The following ATP8A2 variants were observed in gnomAD, a reference collection of about 807,000 sequenced individuals.
ATP8A2 encodes the protein phospholipid-transporting ATPase IB.
A neutral mutation model predicts 165.6 loss-of-function variants in ATP8A2; 100 were observed. That is an observed-to-expected ratio of 0.60 (90% CI 0.51 to 0.71). ATP8A2 has a LOEUF of 0.71. ATP8A2 is among the 30% of genes least tolerant of loss of function. ATP8A2 has a pLI of 0.00. For synonymous variants in ATP8A2, 543 were observed against 548.8 expected, an observed-to-expected ratio of 0.99 and a Z score of 0.15; for missense variants, 1,227 against 1,479.5, an observed-to-expected ratio of 0.83 and a Z score of 2.80.
At chr13:25,888,012 A>G (rs1593507530) in intron 33 of ATP8A2, among the ~76,000 whole-genome samples, 1 of 151,342 alleles carries the variant, frequency 6.6e-6, no homozygotes, top group African/African-American at 2.4e-5. Context: ...AGGTCGTGGA[A>G]GTTGATGGCA....
At chr13:25,780,590 C>T (rs1279276409) in intron 27 of ATP8A2, among the ~76,000 whole-genome samples, 2 of 152,130 alleles carry the variant, frequency 1.3e-5, no homozygotes, top group Non-Finnish European at 2.9e-5. Context: ...AACAAGCAAA[C>T]AAACCTTTAT....
intron 33 of ATP8A2, among the ~76,000 whole-genome samples, chr13:25,869,713 G>T (rs1002466048): frequency 6.6e-6 from 1 of 152,232 alleles, no homozygotes; most frequent in Non-Finnish European, 1.5e-5. Context: ...CAGGGCGTGT[G>T]AGAGGGGAGT....
At chr13:25,731,399 AAGAG>A (rs2043639794) in intron 25 of ATP8A2, among the ~76,000 whole-genome samples, 1 of 151,516 alleles carries the variant, frequency 6.6e-6, no homozygotes, top group Admixed American at 6.6e-5. Context: ...AAAAGGAAGA[AAGAG>A]AAAGAAAGAG....
chr13:25,442,057 G>A (rs1356753983), intron 1 of ATP8A2, among the ~76,000 whole-genome samples: 2 of 152,194 alleles, frequency 1.3e-5, no homozygotes, highest in African/African-American at 4.8e-5. Flanking sequence ...GTGGAAGCAC[G>A]TGTCAGAATT....
intron 27 of ATP8A2, among the ~76,000 whole-genome samples, chr13:25,824,082 T>C (rs1206766636): frequency 1.3e-5 from 2 of 152,170 alleles, no homozygotes; most frequent in Non-Finnish European, 2.9e-5. Flanking sequence ...GTGATTCTCC[T>C]GCCTCAGCCT....
intron 25 of ATP8A2, among the ~76,000 whole-genome samples, chr13:25,746,641 G>T (rs1240530521): frequency 6.6e-6 from 1 of 152,182 alleles, no homozygotes; most frequent in African/African-American, 2.4e-5. Flanking sequence ...ATCCCACACT[G>T]AAAGGAAACT....
At chr13:25,624,638 C>A (rs1460760893) in intron 24 of ATP8A2, among the ~76,000 whole-genome samples, 1 of 152,072 alleles carries the variant, frequency 6.6e-6, no homozygotes, top group Non-Finnish European at 1.5e-5. Context: ...GTTCTAAAGG[C>A]AATTGAGGTA....
intron 33 of ATP8A2, among the ~76,000 whole-genome samples, chr13:25,932,412 C>T (rs1954791695): frequency 6.6e-6 from 1 of 152,204 alleles, no homozygotes; most frequent in African/African-American, 2.4e-5. Flanking sequence ...GCCCCCTCCC[C>T]ACAAAGGAAA....
chr13:25,803,612 G>A (rs1179354447), intron 27 of ATP8A2, among the ~76,000 whole-genome samples: 1 of 152,120 alleles, frequency 6.6e-6, no homozygotes, highest in African/African-American at 2.4e-5. Context: ...ATCAGCCTCG[G>A]GACCAAAATG....
rs575704454 is a variant in ATP8A2, at chr13:25,445,921, A to C, written c.77-23056A>C. 2.6e-4 allele frequency among the ~76,000 whole-genome samples: 40 copies of C among 152,234 alleles called. 3 individuals carry two copies. The South Asian group carries it at 5.6e-3, about 21-fold the overall frequency. On this transcript the variant is annotated intron_variant, in intron 1 of 36. Coordinates refer to ENST00000381655, the MANE Select transcript of ATP8A2 (RefSeq NM_016529.6). ...GGCTGACCTCCTTCCCAGCGCTACT[A>C]CTTACTGGGAACCTGGACCGGTTGG...
chr13:25,742,240 G>A (rs907623603), intron 25 of ATP8A2, among the ~76,000 whole-genome samples: 1 of 152,002 alleles, frequency 6.6e-6, no homozygotes, highest in Non-Finnish European at 1.5e-5. Flanking sequence ...CATAGAAAAG[G>A]CACAGTAAAA....
At chr13:25,738,850 T>C (rs896859620) in intron 25 of ATP8A2, among the ~76,000 whole-genome samples, 3 of 152,254 alleles carry the variant, frequency 2.0e-5, no homozygotes, top group African/African-American at 7.2e-5. Flanking sequence ...ACAGGATATA[T>C]TGATTTATTT....
intron 1 of ATP8A2, among the ~76,000 whole-genome samples, chr13:25,417,686 G>A (rs1259784673): frequency 6.6e-6 from 1 of 152,182 alleles, no homozygotes; most frequent in African/African-American, 2.4e-5. Context: ...ACTATATTTG[G>A]GGTGGAGCCC....
intron 1 of ATP8A2, among the ~76,000 whole-genome samples, chr13:25,433,749 C>A (rs1454135641): frequency 6.6e-6 from 1 of 152,134 alleles, no homozygotes; most frequent in Non-Finnish European, 1.5e-5. Context: ...CAACGGTTGA[C>A]TGGAAAAGGA....
intron 33 of ATP8A2, among the ~76,000 whole-genome samples, chr13:25,961,295 T>C (rs575519907): frequency 6.6e-6 from 1 of 152,302 alleles, no homozygotes; most frequent in East Asian, 1.9e-4. Flanking sequence ...AGGAAGGATT[T>C]AAGACAACAT....
At chr13:25,846,982 A>C (rs903780001) in intron 30 of ATP8A2, among the ~76,000 whole-genome samples, 1 of 152,222 alleles carries the variant, frequency 6.6e-6, no homozygotes, top group African/African-American at 2.4e-5. Flanking sequence ...CATAAAAGTC[A>C]CCAACAGTGC....
At chr13:25,519,351 C>T (rs1462651957) in intron 2 of ATP8A2, among the ~76,000 whole-genome samples, 5 of 152,076 alleles carry the variant, frequency 3.3e-5, no homozygotes, top group African/African-American at 9.7e-5. Flanking sequence ...GTATTCATCA[C>T]GATCTATGCT....
rs2042009915 is a variant in ATP8A2 at position 25,659,724 on chromosome 13, G to GC, written c.2212-39449_2212-39448insC. On this transcript the variant is annotated intron_variant, in intron 24 of 36. Coordinates refer to ENST00000381655, the MANE Select transcript of ATP8A2 (RefSeq NM_016529.6). ...GTCACTTTCCTAAGAAACTTGTAAGGACCTCTCTAAGGCACTGCTATCTGT... is the reference window on the plus strand; with the variant it reads ...GTCACTTTCCTAAGAAACTTGTAAGGCACCTCTCTAAGGCACTGCTATCTGT... Among the ~76,000 whole-genome samples, 12 of 152,230 alleles carry GC rather than the reference G, an allele frequency of 7.9e-5. 2 individuals are homozygous for GC. The highest frequency in any genetic ancestry group is 7.8e-4 in the Admixed American group (12 of 15,294).
chr13:25,917,311 C>T (rs1441842926), intron 33 of ATP8A2, among the ~76,000 whole-genome samples: 1 of 150,382 alleles, frequency 6.6e-6, no homozygotes, highest in African/African-American at 2.5e-5. Context: ...TCCCTTCCTT[C>T]TTTTTGTCCC....
Sources: allele counts gnomAD v4.1 joint callset (sites outside exome capture counted in the v4.1 genomes callset), GRCh38; gene constraint gnomAD v4.1.1; transcripts MANE v1.5; gene names NCBI Gene and HGNC (gene_info 2026-07-23, HGNC 2026-07-21).